The following GFI1B variants were observed in gnomAD, a reference collection of about 807,000 sequenced individuals.
The protein encoded by GFI1B is zinc finger protein Gfi-1b.
GFI1B carries 20 observed loss-of-function variants against 35.3 expected under a neutral mutation model. The observed-to-expected ratio is 0.57, with a 90% CI of 0.40 to 0.82. The LOEUF is 0.82. Ranked by LOEUF, GFI1B falls within the 40% of genes least tolerant of loss-of-function variation. The probability of loss-of-function intolerance (pLI) is 0.00; values close to 1 mark genes in which losing one functional copy is unlikely to be tolerated. For synonymous variants in GFI1B, 178 were observed against 177.6 expected (o/e 1.00, Z -0.02); for missense variants, 430 against 446.3 (o/e 0.96, Z 0.33).
intron 1 of GFI1B, among the ~76,000 whole-genome samples, chr9:132,985,187 A>C (rs1046482629): frequency 2.0e-5 from 3 of 152,088 alleles, no homozygotes; most frequent in Non-Finnish European, 4.4e-5. Context: ...TGCCCGGGGG[A>C]ACCTCACAGG....
chr9:132,989,720 G>C lies in GFI1B; in HGVS notation c.649-22G>C, dbSNP rs777066878. The C allele has an allele frequency of 1.9e-6, 3 of 1,609,514 alleles. No individual in the cohort carries two copies. The highest frequency in any genetic ancestry group is 2.5e-6 in the Non-Finnish European group (3 of 1,176,576). ...GTCCTGAGCCTGCACCTGACCCCCC[G>C]GGGCCTCATTTCCTCCGGCAGGAGC... On this transcript the variant is annotated intron_variant, in intron 5 of 6. Transcript: ENST00000372122. The surrounding 1 kb of genome is among the most constrained non-coding windows in gnomAD (Gnocchi z 6.2).
At chr9:132,979,956 G>A (rs556130410) in intron 1 of GFI1B, among the ~76,000 whole-genome samples, 42 of 152,294 alleles carry the variant, frequency 2.8e-4, no homozygotes, top group Middle Eastern at 3.4e-3. Context: ...CCGCCTGGAC[G>A]CGCCTGCATG....
chr9:132,989,218 C>A lies in GFI1B; in HGVS notation c.648+20C>A. Reference sequence around the variant, plus strand: ...TCCCAGGTGGGCACCTGGCCCAGCGCAGGACTCCCAGCCCCACTCCTTCTC... The same window carrying A: ...TCCCAGGTGGGCACCTGGCCCAGCGAAGGACTCCCAGCCCCACTCCTTCTC... On this transcript the variant is annotated intron_variant, in intron 5 of 6. Transcript: ENST00000372122. This position sits in a 1 kb window ranked among gnomAD's most constrained non-coding sequence, Gnocchi z 6.2. 3 of 1,605,720 alleles carry A rather than the reference C, an allele frequency of 1.9e-6. No homozygotes were observed. Among genetic ancestry groups the A allele is most frequent in the Non-Finnish European group, 2.6e-6 (3 of 1,176,112 alleles).
intron 2 of GFI1B, 80 bp downstream of exon 2, chr9:132,986,858 C>G: frequency 2.4e-6 from 2 of 835,220 alleles, no homozygotes; most frequent in South Asian, 1.4e-5. Flanking sequence ...AGCAGCGTCC[C>G]TCCTGCAGCA....
upstream of GFI1B, among the ~76,000 whole-genome samples, chr9:132,975,774 A>G (rs1018857): frequency 0.076 from 11,540 of 152,306 alleles, 558 homozygotes; most frequent in African/African-American, 0.12. Context: ...GGGCATGGGA[A>G]TGCGGAAGCG....
At chr9:132,956,647 G>T (rs1359064270) in intron 1 of GFI1B, among the ~76,000 whole-genome samples, 3 of 152,188 alleles carry the variant, frequency 2.0e-5, no homozygotes, top group Non-Finnish European at 4.4e-5. Context: ...TCCCTTTTGG[G>T]GAAGAATTTT....
At chr9:132,949,328 CACACACACACACAT>C (rs1848167045) in intron 1 of GFI1B, among the ~76,000 whole-genome samples, 1 of 150,816 alleles carries the variant, frequency 6.6e-6, no homozygotes, top group South Asian at 2.1e-4. Context: ...CACAGATACA[CACACACACACACAT>C]ACACACACAC....
At chr9:132,958,186 T>TGCCC (rs1378277934) in intron 1 of GFI1B, among the ~76,000 whole-genome samples, 2 of 151,968 alleles carry the variant, frequency 1.3e-5, no homozygotes, top group East Asian at 3.9e-4. Flanking sequence ...GAGGGGCTGT[T>TGCCC]TAGAAACAGG....
At chr9:132,988,089 A>G (rs1849141963) in intron 3 of GFI1B, 108 bp from the exon 4 acceptor site, 3 of 986,878 alleles carry the variant, frequency 3.0e-6, no homozygotes, top group Non-Finnish European at 4.9e-6. Context: ...CAAGTGACCC[A>G]CTTGCCTCAG....
At chr9:132,955,808 A>C (rs58027237) in intron 1 of GFI1B, among the ~76,000 whole-genome samples, 5 of 146,428 alleles carry the variant, frequency 3.4e-5, no homozygotes, top group African/African-American at 1.3e-4. Flanking sequence ...GTGTGTGTGC[A>C]TGTGTGTGTG....
intron 1 of GFI1B, among the ~76,000 whole-genome samples, chr9:132,958,069 G>T (rs1281656265): frequency 1.3e-5 from 2 of 152,176 alleles, no homozygotes; most frequent in Non-Finnish European, 2.9e-5. Flanking sequence ...GAGGGGTCAT[G>T]TGAAGGTGTT....
chr9:132,947,405 A>T (rs1848130852), intron 1 of GFI1B, among the ~76,000 whole-genome samples: 1 of 123,838 alleles, frequency 8.1e-6, no homozygotes, highest in South Asian at 2.9e-4. Flanking sequence ...GATTAAATTT[A>T]ATCGAGCAAA....
upstream of GFI1B, among the ~76,000 whole-genome samples, chr9:132,977,062 A>G (rs1042012950): frequency 1.3e-5 from 2 of 152,276 alleles, no homozygotes; most frequent in South Asian, 2.1e-4. Context: ...GGTTCAAGCA[A>G]TTATCCTGCC....
chr9:132,969,996 C>A (rs191562399), intron 1 of GFI1B, among the ~76,000 whole-genome samples: 2 of 152,208 alleles, frequency 1.3e-5, no homozygotes, highest in East Asian at 3.9e-4. Context: ...TGGAGGGCTC[C>A]CTGGTGTTGA....
At chr9:132,980,201 G>A (rs892601083) in intron 1 of GFI1B, among the ~76,000 whole-genome samples, 4 of 147,836 alleles carry the variant, frequency 2.7e-5, no homozygotes, top group South Asian at 2.3e-4. Flanking sequence ...CCATTGCCCC[G>A]AAGCTTTCAG....
chr9:132,988,933 C>T, intron 4 of GFI1B, 128 bp from the exon 5 acceptor site: 2 of 871,236 alleles, frequency 2.3e-6, no homozygotes, highest in South Asian at 1.4e-5. Flanking sequence ...GCAGAACTGG[C>T]AATCCAGTGC....
In GFI1B at chr9:132,988,477, C is replaced by CG. The variant is rs1212886079; in HGVS notation, c.510+15dup. ...GTGTGAAGTGCAACAAGGTGGGCAGCGGGGGGTGTGGTGGGCACCTGGGCC... is the reference window on the plus strand; with the variant it reads ...GTGTGAAGTGCAACAAGGTGGGCAGCGGGGGGGTGTGGTGGGCACCTGGGCC... On this transcript the variant is annotated intron_variant, in intron 4 of 6. Coordinates refer to ENST00000372122, the MANE Select transcript of GFI1B (RefSeq NM_001377304.1). 1.2e-6 allele frequency: 2 copies of CG among 1,612,078 alleles called. No individual in the cohort carries two copies. Among genetic ancestry groups the CG allele is most frequent in the Non-Finnish European group, 1.7e-6 (2 of 1,179,628 alleles).
At position 132,963,431 on chromosome 9, in the gene GFI1B, A is replaced by G. The variant is rs147046859; in HGVS notation, c.-700-9294A>G. 1.7e-3 allele frequency among the ~76,000 whole-genome samples: 258 copies of G among 152,128 alleles called. 1 individual carries two copies. Among genetic ancestry groups the G allele is most frequent in the African/African-American group, 5.3e-3 (218 of 41,492 alleles). The stretch of plus-strand genomic sequence containing the variant: ...GGAGGCGGAGGTTGCAGTGAGCTAA[A>G]ATCACGCCAGATGCATTCCAGTCTG... On this transcript the variant is annotated intron_variant, in intron 1 of 10. Transcript: ENST00000339463.
At chr9:132,979,998 T>C (rs889193785) in intron 1 of GFI1B, among the ~76,000 whole-genome samples, 6 of 152,218 alleles carry the variant, frequency 3.9e-5, no homozygotes, top group Non-Finnish European at 5.9e-5. Flanking sequence ...GAATATTTCT[T>C]CCAAGTCTAG....
Sources: allele counts gnomAD v4.1 joint callset (sites outside exome capture counted in the v4.1 genomes callset), GRCh38; gene constraint gnomAD v4.1.1; non-coding constraint Gnocchi (gnomAD v3.1); transcripts MANE v1.5; gene names NCBI Gene and HGNC (gene_info 2026-07-23, HGNC 2026-07-21).